Variants in FAM228B observed in about 807,000 individuals in gnomAD.
FAM228B encodes protein FAM228B.
FAM228B carries 38 observed loss-of-function variants against 42.6 expected under a neutral mutation model. The observed-to-expected ratio is 0.89, with a 90% CI of 0.69 to 1.17. The LOEUF (loss-of-function observed/expected upper bound fraction) is 1.17. Among genes scored for constraint, FAM228B ranks in the 50% most tolerant of loss-of-function variants. FAM228B has a pLI of 0.00. For missense variants in FAM228B, 344 were observed against 367.3 expected (o/e 0.94, Z 0.52); for synonymous variants, 109 against 122.3 (o/e 0.89, Z 0.72).
chr2:24,152,325 T>A (rs1437806314), intron 7 of FAM228B, among the ~76,000 whole-genome samples: 1 of 152,250 alleles, frequency 6.6e-6, no homozygotes, highest in Non-Finnish European at 1.5e-5. Context: ...CCAGGATTGG[T>A]CCCTAGTGCC....
chr2:24,121,285 C>T (rs1357553591), upstream of FAM228B: 3 of 1,614,180 alleles, frequency 1.9e-6, no homozygotes, highest in Non-Finnish European at 2.5e-6. Context: ...AGTGTTCGGA[C>T]ATCACTGGGC....
intron 7 of FAM228B, among the ~76,000 whole-genome samples, chr2:24,155,350 A>G (rs1475189785): frequency 1.3e-5 from 2 of 151,070 alleles, no homozygotes; most frequent in African/African-American, 4.9e-5. Context: ...TCCTTTTTAG[A>G]TGATTGTCAG....
chr2:24,147,332 T>C (rs1666920372), intron 7 of FAM228B, among the ~76,000 whole-genome samples: 1 of 152,144 alleles, frequency 6.6e-6, no homozygotes, highest in South Asian at 2.1e-4. Context: ...TTGGTTTTCA[T>C]TAGCTAGATT....
chr2:24,106,907 G>A (rs560452325), intron 3 of FAM228B, among the ~76,000 whole-genome samples: 1 of 151,600 alleles, frequency 6.6e-6, no homozygotes, highest in East Asian at 1.9e-4. Context: ...CATGATGACA[G>A]GATCAAATCT....
At chr2:24,166,736 G>A (rs900164171) in intron 9 of FAM228B, among the ~76,000 whole-genome samples, 4 of 152,148 alleles carry the variant, frequency 2.6e-5, no homozygotes, top group African/African-American at 9.7e-5. Context: ...GACGAATGAA[G>A]AGGACTGTTT....
chr2:24,097,696 A>G (rs1022008874), intron 3 of FAM228B, among the ~76,000 whole-genome samples: 3 of 152,064 alleles, frequency 2.0e-5, no homozygotes, highest in Non-Finnish European at 4.4e-5. Context: ...AGACTTTAAC[A>G]CCCCACTGTC....
At chr2:24,087,035 TA>T (rs1056976748) in intron 2 of FAM228B, among the ~76,000 whole-genome samples, 61 of 152,152 alleles carry the variant, frequency 4.0e-4, no homozygotes, top group African/African-American at 1.5e-3. Context: ...GGAGTAACTT[TA>T]AAAAAAATCT....
chr2:24,143,071 G>A (rs937502137), intron 5 of FAM228B, among the ~76,000 whole-genome samples: 1 of 152,220 alleles, frequency 6.6e-6, no homozygotes, highest in Non-Finnish European at 1.5e-5. Context: ...TAACCTTTAA[G>A]AAACTACCTC....
At chr2:24,145,090 C>T (rs1443096019) in intron 5 of FAM228B, among the ~76,000 whole-genome samples, 1 of 152,134 alleles carries the variant, frequency 6.6e-6, no homozygotes, top group Non-Finnish European at 1.5e-5. Flanking sequence ...TGACCAGTGC[C>T]CAGGGGTTCA....
chr2:24,168,717 A>G (rs1351036748), intron 10 of FAM228B, among the ~76,000 whole-genome samples: 1 of 152,186 alleles, frequency 6.6e-6, no homozygotes, highest in Non-Finnish European at 1.5e-5. Context: ...GAATGCTCCC[A>G]TAGAGAGGGA....
rs1413845121 is a variant in FAM228B, at chr2:24,095,610, C to T, written c.-121+381C>T. The T allele has an allele frequency of 6.6e-6, 1 of 152,354 alleles. No individual in the cohort carries two copies. Among genetic ancestry groups the T allele is most frequent in the Non-Finnish European group, 1.5e-5 (1 of 68,166 alleles). 9.4% of individuals were successfully genotyped at this position (152,354 alleles called of 1,614,324 possible). ...AGGTAAACAAAGCAGCCGGGAAGTTCGAACTGGGCAGAGCCCACTGCAGCT... is the reference window on the plus strand; with the variant it reads ...AGGTAAACAAAGCAGCCGGGAAGTTTGAACTGGGCAGAGCCCACTGCAGCT... On this transcript the variant is annotated intron_variant, in intron 3 of 10. Transcript: ENST00000613899. This position sits in a 1 kb window ranked among gnomAD's most constrained non-coding sequence, Gnocchi z 4.8.
intron 3 of FAM228B, among the ~76,000 whole-genome samples, chr2:24,101,493 A>G (rs201760906): frequency 6.6e-6 from 1 of 152,040 alleles, no homozygotes; most frequent in Non-Finnish European, 1.5e-5. Context: ...TTAGTCCACA[A>G]TTGATCAAAA....
intron 3 of FAM228B, among the ~76,000 whole-genome samples, chr2:24,100,862 C>A (rs1665592758): frequency 6.6e-6 from 1 of 152,128 alleles, no homozygotes; most frequent in African/African-American, 2.4e-5. Flanking sequence ...TGGAACCAAC[C>A]CAAATGTCCA....
rs546603142 is a variant in FAM228B at position 24,113,706 on chromosome 2, G to A, written c.-121+18477G>A. 3.0e-4 allele frequency among the ~76,000 whole-genome samples: 45 copies of A among 152,132 alleles called. No individual in the cohort carries two copies. The East Asian group carries it at 5.6e-3, about 19-fold the overall frequency. ...AGCCTGACCAACATGGCAAAACCCC[G>A]TCTCTACTAAAAATACAAAAATTAG... On this transcript the variant is annotated intron_variant, in intron 3 of 10. Transcript: ENST00000613899.
At chr2:24,155,829 T>A (rs1234105706) in intron 7 of FAM228B, among the ~76,000 whole-genome samples, 1 of 152,020 alleles carries the variant, frequency 6.6e-6, no homozygotes, top group East Asian at 1.9e-4. Flanking sequence ...CGTGAGCCAC[T>A]GCACCCGGCC....
chr2:24,127,086 C>A (rs1483737188), intron 2 of FAM228B, among the ~76,000 whole-genome samples: 1 of 152,044 alleles, frequency 6.6e-6, no homozygotes, highest in Non-Finnish European at 1.5e-5. Flanking sequence ...AACTTCACAC[C>A]TTTTAGCAGT....
intron 3 of FAM228B, chr2:24,097,279 T>C (rs1305650735): frequency 6.6e-6 from 1 of 152,002 alleles, no homozygotes; most frequent in Non-Finnish European, 1.5e-5. Flanking sequence ...ATAACGATAT[T>C]AACCTTAAAT....
At chr2:24,114,673 G>T (rs1348315362) in intron 3 of FAM228B, among the ~76,000 whole-genome samples, 1 of 152,098 alleles carries the variant, frequency 6.6e-6, no homozygotes, top group East Asian at 1.9e-4. Flanking sequence ...CATCTGAAGG[G>T]TATACCAACC....
intron 2 of FAM228B, among the ~76,000 whole-genome samples, chr2:24,081,692 T>G (rs1665009452): frequency 1.3e-5 from 1 of 78,610 alleles, no homozygotes; most frequent in Admixed American, 1.1e-4. Context: ...TTGATACTGT[T>G]TTTTTTTTTT....
Sources: allele counts gnomAD v4.1 joint callset (sites outside exome capture counted in the v4.1 genomes callset), GRCh38; gene constraint gnomAD v4.1.1; non-coding constraint Gnocchi (gnomAD v3.1); transcripts MANE v1.5; gene names NCBI Gene and HGNC (gene_info 2026-07-23, HGNC 2026-07-21).